The following NREP variants were observed in gnomAD, a reference collection of about 807,000 sequenced individuals.
The protein encoded by NREP is neuronal regeneration-related protein.
NREP carries 5 observed loss-of-function variants against 8.6 expected under a neutral mutation model. That is an observed-to-expected ratio of 0.58 (90% CI 0.30 to 1.22). NREP has a LOEUF of 1.22. Among genes scored for constraint, NREP ranks in the 50% most tolerant of loss-of-function variants. NREP has a pLI of 0.07. For synonymous variants in NREP, 27 were observed against 28.0 expected, an observed-to-expected ratio of 0.96 and a Z score of 0.11; for missense variants, 86 against 82.5, an observed-to-expected ratio of 1.04 and a Z score of -0.17.
chr5:111,867,006 G>GA (rs556060561), intron 2 of NREP, among the ~76,000 whole-genome samples: 1,530 of 149,954 alleles, frequency 0.01, 11 homozygotes, highest in Middle Eastern at 0.066. Context: ...GGGGTGGGGG[G>GA]AAGGGGGAGG....
At chr5:111,936,973 C>T (rs991716080) in intron 2 of NREP, among the ~76,000 whole-genome samples, 1 of 152,010 alleles carries the variant, frequency 6.6e-6, no homozygotes, top group African/African-American at 2.4e-5. Context: ...TCCTAAGGCC[C>T]CCAGAGAAGC....
intron 2 of NREP, among the ~76,000 whole-genome samples, chr5:111,770,915 G>C (rs942683798): frequency 9.2e-5 from 14 of 152,088 alleles, no homozygotes; most frequent in Admixed American, 6.6e-5. Context: ...GAGAAGAAGA[G>C]CTCCAGCTTA....
At chr5:111,805,692 A>G (rs1752123332) in intron 2 of NREP, among the ~76,000 whole-genome samples, 1 of 152,222 alleles carries the variant, frequency 6.6e-6, no homozygotes, top group Non-Finnish European at 1.5e-5. Flanking sequence ...TACTTCAGCA[A>G]ATAAGTTCAG....
intron 2 of NREP, among the ~76,000 whole-genome samples, chr5:111,736,866 G>C (rs1186719063): frequency 1.3e-5 from 2 of 152,112 alleles, no homozygotes; most frequent in East Asian, 1.9e-4. Context: ...GTGTAGGGTA[G>C]GACTGAAACT....
intron 2 of NREP, among the ~76,000 whole-genome samples, chr5:111,837,392 G>A (rs1360522483): frequency 6.6e-6 from 1 of 151,866 alleles, no homozygotes; most frequent in Non-Finnish European, 1.5e-5. Flanking sequence ...AAAAATCCAA[G>A]CTTCAAAAAG....
intron 2 of NREP, among the ~76,000 whole-genome samples, chr5:111,838,585 C>A (rs1032761836): frequency 6.6e-6 from 1 of 152,046 alleles, no homozygotes; most frequent in African/African-American, 2.4e-5. Flanking sequence ...AGAAGAAATT[C>A]TGCTTCAAAT....
At chr5:111,732,606 T>C (rs1748692910) in intron 3 of NREP, 1 of 150,404 alleles carries the variant, frequency 6.6e-6, no homozygotes, top group Non-Finnish European at 1.5e-5. Context: ...GGTAGTTACT[T>C]GCAGTTGTGA....
intron 2 of NREP, among the ~76,000 whole-genome samples, chr5:111,960,897 C>G (rs1355892893): frequency 6.6e-6 from 1 of 152,136 alleles, no homozygotes; most frequent in Non-Finnish European, 1.5e-5. Flanking sequence ...TATGTAAAGA[C>G]TATAAAGTAA....
chr5:111,974,799 T>G lies in NREP; in HGVS notation c.135+475A>C, dbSNP rs553973093. The stretch of plus-strand genomic sequence containing the variant: ...AGATTCTTACATACCTATAAAATGA[T>G]AGTTGGCAACATCATATTTATCAAA... On this transcript the variant is annotated intron_variant, in intron 2 of 3. Coordinates refer to the NREP transcript ENST00000395634. 2.0e-5 allele frequency among the ~76,000 whole-genome samples: 3 copies of G among 152,340 alleles called. No individual in the cohort carries two copies. The South Asian group carries it at 6.2e-4, about 32-fold the overall frequency.
chr5:111,885,508 G>T (rs981398028), intron 2 of NREP, among the ~76,000 whole-genome samples: 14 of 152,136 alleles, frequency 9.2e-5, no homozygotes, highest in African/African-American at 3.1e-4. Flanking sequence ...AAAAGAGCCT[G>T]CATCACCAAG....
chr5:111,778,628 C>T (rs1751418388), intron 2 of NREP, among the ~76,000 whole-genome samples: 1 of 152,154 alleles, frequency 6.6e-6, no homozygotes, highest in African/African-American at 2.4e-5. Flanking sequence ...ATGTATTTCA[C>T]TCCATTTCTT....
Position 111,905,890 on chromosome 5 carries a change from G to GA in NREP, c.135+69383dup. On this transcript the variant is annotated intron_variant, in intron 2 of 3. Transcript: ENST00000395634. ...GTATACAAATAAAACATAAATCTCT[G>GA]AAAAGTAATCTGGAAAAGTTTAAGA... is the stretch of plus-strand genomic sequence containing the variant. Among the ~76,000 whole-genome samples, 3 of 152,064 alleles carry GA rather than the reference G, an allele frequency of 2.0e-5. No homozygotes were observed. The South Asian group carries it at 6.2e-4, about 32-fold the overall frequency.
At chr5:111,832,283 C>T (rs750950872) in intron 2 of NREP, among the ~76,000 whole-genome samples, 11 of 151,846 alleles carry the variant, frequency 7.2e-5, no homozygotes, top group Non-Finnish European at 1.0e-4. Flanking sequence ...TTTGGGAGGC[C>T]GAGGCAGGCA....
At chr5:111,881,546 C>A (rs989923191) in intron 2 of NREP, among the ~76,000 whole-genome samples, 1 of 152,316 alleles carries the variant, frequency 6.6e-6, no homozygotes. Context: ...TCCCTGACCC[C>A]TGACCCCCAA....
At chr5:111,889,161 T>C (rs559056956) in intron 2 of NREP, among the ~76,000 whole-genome samples, 8 of 152,358 alleles carry the variant, frequency 5.3e-5, no homozygotes, top group South Asian at 2.1e-4. Context: ...CTGCAGGCTG[T>C]ACAGAAAGCA....
At chr5:111,790,744 C>G (rs1751725463) in intron 2 of NREP, among the ~76,000 whole-genome samples, 1 of 145,916 alleles carries the variant, frequency 6.9e-6, no homozygotes, top group African/African-American at 2.6e-5. Context: ...AAATGAGGAT[C>G]TAGTTATTCC....
At chr5:111,745,409 G>GT (rs1388773814) in intron 2 of NREP, among the ~76,000 whole-genome samples, 10 of 152,164 alleles carry the variant, frequency 6.6e-5, no homozygotes, top group African/African-American at 1.4e-4. Context: ...AGTAACCACA[G>GT]TTTTTTTCTT....
intron 2 of NREP, among the ~76,000 whole-genome samples, chr5:111,957,676 A>G (rs921434289): frequency 6.6e-6 from 1 of 151,836 alleles, no homozygotes; most frequent in African/African-American, 2.4e-5. Flanking sequence ...GAGCTAAGCA[A>G]GTCCAACTTC....
At chr5:111,835,937 A>T (rs1246551139) in intron 2 of NREP, among the ~76,000 whole-genome samples, 1 of 152,126 alleles carries the variant, frequency 6.6e-6, no homozygotes, top group African/African-American at 2.4e-5. Flanking sequence ...AAGAAAATGG[A>T]TGCAGATGTA....
Sources: gnomAD v4.1 joint callset for allele counts (sites outside exome capture counted in the v4.1 genomes callset) on GRCh38, gnomAD v4.1.1 for gene constraint, MANE v1.5 for transcripts, NCBI Gene and HGNC (gene_info 2026-07-23, HGNC 2026-07-21) for gene names.